H2AZ2: variants seen among roughly 807,000 people sequenced by gnomAD.
H2AZ2 encodes the protein H2A.Z variant histone 2.
H2AZ2 carries 5 observed loss-of-function variants against 15.5 expected under a neutral mutation model. That is an observed-to-expected ratio of 0.32 (90% CI 0.17 to 0.68). The LOEUF is 0.68. Ranked by LOEUF, H2AZ2 falls within the 30% of genes least tolerant of loss-of-function variation. The pLI is 0.72. For synonymous variants in H2AZ2, 44 were observed against 57.4 expected (o/e 0.77, Z 1.05); for missense variants, 42 against 162.5 (o/e 0.26, Z 4.03).
chr7:44,841,938 C>CA (rs1793285068), intron 2 of H2AZ2, among the ~76,000 whole-genome samples: 2 of 152,202 alleles, frequency 1.3e-5, no homozygotes, highest in Non-Finnish European at 2.9e-5. Flanking sequence ...TTTCCAAAGA[C>CA]TGAATTGAAA....
Position 44,844,703 on chromosome 7 carries a change from C to G in H2AZ2, c.4-1349G>C, listed in dbSNP as rs1793356212. On this transcript the variant is annotated intron_variant, in intron 1 of 4. Coordinates refer to ENST00000308153, the MANE Select transcript of H2AZ2 (RefSeq NM_012412.5). ...TTCCACTTGGGAAGATGAAAAAGTT[C>G]TAGAGGCAGAAGGCAGTGATGGTTG... 2.6e-5 allele frequency among the ~76,000 whole-genome samples: 4 copies of G among 152,230 alleles called. No homozygotes were observed. In the South Asian group the frequency reaches 8.3e-4, roughly 32 times the overall value.
Position 44,835,955 on chromosome 7 carries a change from CTTT to C in H2AZ2, c.196-300_196-298del, listed in dbSNP as rs56386314. Among the ~76,000 whole-genome samples, 544 of 90,890 alleles carry C rather than the reference CTTT, an allele frequency of 6.0e-3. 1 individual carries two copies. The highest frequency in any genetic ancestry group is 0.013 in the Middle Eastern group (2 of 160). 59.6% of individuals were successfully genotyped at this position (90,890 alleles called of 152,430 possible). Reference sequence around the variant, plus strand: ...GCCAGATGTGAACATTTAGAAAAGTCTTTTTTTTTTTTTTTTTTTTTTGAGACA... The same window carrying C: ...GCCAGATGTGAACATTTAGAAAAGTCTTTTTTTTTTTTTTTTTTTGAGACA... On this transcript the variant is annotated intron_variant, in intron 3 of 4. Transcript: ENST00000308153.
intron 1 of H2AZ2, 133 bp downstream of exon 1, chr7:44,847,836 C>T: frequency 3.3e-6 from 4 of 1,228,848 alleles, no homozygotes; most frequent in Non-Finnish European, 4.4e-6. Context: ...CCCCGGCGGG[C>T]GGCGAGGGGC....
intron 1 of H2AZ2, among the ~76,000 whole-genome samples, chr7:44,845,892 CTG>C (rs1793386211): frequency 6.6e-6 from 1 of 152,066 alleles, no homozygotes; most frequent in African/African-American, 2.4e-5. Flanking sequence ...TCCCCTCAAA[CTG>C]TATATATAGC....
chr7:44,829,598 T>A (rs1792972747), downstream of H2AZ2: 2 of 143,752 alleles, frequency 1.4e-5, no homozygotes, highest in African/African-American at 2.6e-5. Context: ...GAGACTCTAT[T>A]AAAGGAAAAA....
At chr7:44,847,654 T>TCTACATTTCCA (rs1793445500) in intron 1 of H2AZ2, among the ~76,000 whole-genome samples, 1 of 152,176 alleles carries the variant, frequency 6.6e-6, no homozygotes, top group Non-Finnish European at 1.5e-5. Context: ...AGCACTTGTT[T>TCTACATTTCCA]CTACATTTCC....
At chr7:44,831,816 A>G (rs1160063966), downstream of H2AZ2, among the ~76,000 whole-genome samples, 1 of 152,240 alleles carries the variant, frequency 6.6e-6, no homozygotes, top group African/African-American at 2.4e-5. Flanking sequence ...AAAAGCTGAT[A>G]GAGAACTTTT....
At chr7:44,843,830 T>A (rs1010243175) in intron 1 of H2AZ2, among the ~76,000 whole-genome samples, 5 of 152,166 alleles carry the variant, frequency 3.3e-5, no homozygotes, top group Non-Finnish European at 7.4e-5. Context: ...AGTGCTGGGA[T>A]TACAGGCATA....
At chr7:44,845,694 T>A (rs1793380578) in intron 1 of H2AZ2, among the ~76,000 whole-genome samples, 1 of 152,130 alleles carries the variant, frequency 6.6e-6, no homozygotes, top group Admixed American at 6.5e-5. Context: ...TATTTGGTGT[T>A]CTATTTGCTT....
At position 44,840,889 on chromosome 7, in the gene H2AZ2, C is replaced by A. The variant is rs770361196; in HGVS notation, c.195+10G>T. On this transcript the variant is annotated intron_variant, in intron 3 of 4. Transcript: ENST00000308153. The stretch of plus-strand genomic sequence containing the variant: ...GGATGGCCATATACAACAGACATTC[C>A]TGTACAAACCTCTGCAGTGAGGTAC... 6.3e-7 allele frequency: 1 copy of A among 1,595,970 alleles called. No homozygotes were observed. The highest frequency in any genetic ancestry group is 1.1e-5 in the South Asian group (1 of 90,420).
intron 1 of H2AZ2, 144 bp downstream of exon 1, chr7:44,847,825 C>A: frequency 1.7e-6 from 2 of 1,152,614 alleles, no homozygotes; most frequent in Non-Finnish European, 2.4e-6. Flanking sequence ...GACATGGCGC[C>A]CCCCGGCGGG....
chr7:44,842,211 T>C (rs1793291375), intron 2 of H2AZ2, among the ~76,000 whole-genome samples: 1 of 152,196 alleles, frequency 6.6e-6, no homozygotes, highest in Admixed American at 6.5e-5. Context: ...AGAGTTCTCA[T>C]ACCAAGTCTG....
At chr7:44,829,172 A>G (rs1792966713), downstream of H2AZ2, 1 of 152,272 alleles carries the variant, frequency 6.6e-6, no homozygotes, top group Non-Finnish European at 1.5e-5. Context: ...GTACATCTAC[A>G]GCACCCAAGG....
Position 44,847,973 on chromosome 7 carries a change from T to G in H2AZ2, c.-2A>C, listed in dbSNP as rs775673759. 2 of 1,459,978 alleles carry G rather than the reference T, an allele frequency of 1.4e-6. No individual in the cohort carries two copies. Among genetic ancestry groups the G allele is most frequent in the South Asian group, 2.7e-5 (2 of 73,608 alleles). The allele number at this position is 1,459,978 out of a possible 1,614,324, so 90.4% of individuals were successfully genotyped here. ...GGCCCACCCGGCCGCCCTTACCATG[T>G]TCTCGGCGCCGACTCCGCCTCCGCT... On this transcript the variant is annotated 5_prime_UTR_variant, in exon 1 of 5. Transcript: ENST00000308153.
At chr7:44,828,282 G>C (rs1792953088), downstream of H2AZ2, 1 of 152,150 alleles carries the variant, frequency 6.6e-6, no homozygotes, top group African/African-American at 2.4e-5. Flanking sequence ...TCTTCTAAGT[G>C]ACTGGTCTGG....
At chr7:44,846,054 CACACACACAG>C (rs1433686527) in intron 1 of H2AZ2, among the ~76,000 whole-genome samples, 6 of 95,958 alleles carry the variant, frequency 6.3e-5, no homozygotes, top group Admixed American at 5.3e-4. Context: ...CACACACACA[CACACACACAG>C]AGAGAGACAG....
intron 1 of H2AZ2, among the ~76,000 whole-genome samples, chr7:44,844,355 A>G (rs1793348056): frequency 6.6e-6 from 1 of 152,220 alleles, no homozygotes; most frequent in African/African-American, 2.4e-5. Context: ...CAAAAAAGAC[A>G]AATACTGTAT....
chr7:44,839,128 G>A (rs1281622239), intron 3 of H2AZ2, among the ~76,000 whole-genome samples: 5 of 152,200 alleles, frequency 3.3e-5, no homozygotes, highest in African/African-American at 9.7e-5. Context: ...GACAGACTGA[G>A]TCTTTTACTT....
chr7:44,834,967 G>T (rs954577029), intron 4 of H2AZ2: 1 of 164,250 alleles, frequency 6.1e-6, no homozygotes, highest in Non-Finnish European at 1.3e-5. Context: ...ATTTTTAGTA[G>T]AGATGGGGTT....
Sources: allele counts gnomAD v4.1 joint callset (sites outside exome capture counted in the v4.1 genomes callset), GRCh38; gene constraint gnomAD v4.1.1; transcripts MANE v1.5; gene names NCBI Gene and HGNC (gene_info 2026-07-23, HGNC 2026-07-21).